MSRA: variants seen among roughly 807,000 people sequenced by gnomAD.
The protein encoded by MSRA is methionine sulfoxide reductase A.
Under a neutral mutation model 31.3 loss-of-function variants are expected in MSRA, and 54 were observed. The observed-to-expected ratio is 1.73, with a 90% CI of 1.39 to 2.17. MSRA has a LOEUF of 2.17. Among genes scored for constraint, MSRA ranks in the 30% most tolerant of loss-of-function variants. MSRA has a pLI of 0.00. For synonymous variants in MSRA, 169 were observed against 116.5 expected (o/e 1.45, Z -2.90); for missense variants, 507 against 300.9 (o/e 1.69, Z -5.07).
At chr8:10,380,942 G>T (rs1216011936) in intron 5 of MSRA, among the ~76,000 whole-genome samples, 2 of 151,900 alleles carry the variant, frequency 1.3e-5, no homozygotes, top group African/African-American at 4.8e-5. Context: ...GGTGGTGGGA[G>T]GGAGGCATGG....
At chr8:10,243,425 A>T (rs545113405) in intron 2 of MSRA, among the ~76,000 whole-genome samples, 2 of 152,274 alleles carry the variant, frequency 1.3e-5, no homozygotes, top group African/African-American at 4.8e-5. Context: ...ATTAATAGTG[A>T]ATGCTTTTGC....
rs373494981 is a variant in MSRA, at chr8:10,354,645, G to A, written c.543+34656G>A. On this transcript the variant is annotated intron_variant, in intron 5 of 5. Coordinates refer to ENST00000317173, the MANE Select transcript of MSRA (RefSeq NM_012331.5). ...AGATTAGAATGATTACAAATGCATC[G>A]GTGAAGGTATTATCAGTGAAAATAT... is the stretch of plus-strand genomic sequence containing the variant. 8.6e-5 allele frequency among the ~76,000 whole-genome samples: 13 copies of A among 151,348 alleles called. No individual in the cohort carries two copies. In the East Asian group the frequency reaches 1.6e-3, roughly 18 times the overall value.
At chr8:10,130,714 C>T (rs1254454932) in intron 1 of MSRA, among the ~76,000 whole-genome samples, 2 of 152,204 alleles carry the variant, frequency 1.3e-5, no homozygotes, top group African/African-American at 2.4e-5. Flanking sequence ...GGCTCTATTT[C>T]TCACAGTGCT....
At chr8:10,090,384 C>G (rs1025384825) in intron 1 of MSRA, among the ~76,000 whole-genome samples, 1 of 152,128 alleles carries the variant, frequency 6.6e-6, no homozygotes, top group African/African-American at 2.4e-5. Context: ...ATTAGCTGGG[C>G]AGATTCCTGA....
At chr8:10,317,000 G>A (rs911673240) in intron 4 of MSRA, among the ~76,000 whole-genome samples, 2 of 152,168 alleles carry the variant, frequency 1.3e-5, no homozygotes, top group Non-Finnish European at 2.9e-5. Context: ...GGTAGCCTTT[G>A]GTGCAGCAGA....
At chr8:10,265,134 A>C (rs1390697091) in intron 3 of MSRA, among the ~76,000 whole-genome samples, 1 of 152,196 alleles carries the variant, frequency 6.6e-6, no homozygotes, top group Non-Finnish European at 1.5e-5. Flanking sequence ...TGTTTTACCA[A>C]ATTATGTCCT....
At chr8:10,096,681 T>C (rs943304326) in intron 1 of MSRA, among the ~76,000 whole-genome samples, 1 of 152,198 alleles carries the variant, frequency 6.6e-6, no homozygotes, top group Non-Finnish European at 1.5e-5. Flanking sequence ...TACCTGGTGT[T>C]TTACTTAGAT....
chr8:10,288,254 T>C (rs1383963160), intron 3 of MSRA, among the ~76,000 whole-genome samples: 2 of 152,210 alleles, frequency 1.3e-5, no homozygotes, highest in African/African-American at 2.4e-5. Flanking sequence ...TTCCATTAAA[T>C]TTAATACCAC....
At chr8:10,296,794 C>T (rs571795669) in intron 3 of MSRA, among the ~76,000 whole-genome samples, 2 of 152,260 alleles carry the variant, frequency 1.3e-5, no homozygotes, top group Non-Finnish European at 2.9e-5. Context: ...TGCTTTGCCT[C>T]CTCTCCCAGA....
intron 1 of MSRA, among the ~76,000 whole-genome samples, chr8:10,172,820 C>G (rs1057388205): frequency 1.3e-5 from 2 of 152,148 alleles, no homozygotes; most frequent in Non-Finnish European, 2.9e-5. Context: ...ATTTGTTGGG[C>G]CATGCATACC....
At chr8:10,252,494 G>C (rs1194577119) in intron 3 of MSRA, among the ~76,000 whole-genome samples, 1 of 152,148 alleles carries the variant, frequency 6.6e-6, no homozygotes, top group Non-Finnish European at 1.5e-5. Context: ...TCCTGTCTGC[G>C]ATGGCCAGTA....
At chr8:10,365,942 G>A (rs1259128150) in intron 5 of MSRA, among the ~76,000 whole-genome samples, 7 of 152,152 alleles carry the variant, frequency 4.6e-5, no homozygotes, top group African/African-American at 1.7e-4. Context: ...CTAGTCAATG[G>A]GGCTGCAGGA....
intron 5 of MSRA, among the ~76,000 whole-genome samples, chr8:10,422,851 A>G (rs549098690): frequency 6.6e-6 from 1 of 152,308 alleles, no homozygotes; most frequent in South Asian, 2.1e-4. Flanking sequence ...GAACCAATCT[A>G]GGCAGTTACT....
chr8:10,256,797 A>AC (rs1316716954), intron 3 of MSRA, among the ~76,000 whole-genome samples: 2 of 151,558 alleles, frequency 1.3e-5, no homozygotes, highest in African/African-American at 4.9e-5. Context: ...ATAGTCTCTG[A>AC]CCCCCTGAGT....
At chr8:10,151,282 A>T (rs1039391556) in intron 1 of MSRA, among the ~76,000 whole-genome samples, 1 of 151,108 alleles carries the variant, frequency 6.6e-6, no homozygotes, top group African/African-American at 2.4e-5. Flanking sequence ...AAAAAAAAAA[A>T]AAAAAATAAG....
rs572764042 is a variant in MSRA, at chr8:10,203,209, C to T, written c.143-4624C>T. 4.6e-5 allele frequency among the ~76,000 whole-genome samples: 7 copies of T among 152,226 alleles called. No homozygotes were observed. In the East Asian group the frequency reaches 1.2e-3, roughly 25 times the overall value. Reference sequence around the variant, plus strand: ...CTCCAATTCATGCAGTATTTCTGGTCTTTCCATCTCAGCCAGCACTGCCCA... The same window carrying T: ...CTCCAATTCATGCAGTATTTCTGGTTTTTCCATCTCAGCCAGCACTGCCCA... On this transcript the variant is annotated intron_variant, in intron 1 of 5. Transcript: ENST00000317173.
intron 1 of MSRA, among the ~76,000 whole-genome samples, chr8:10,201,008 CCTTA>C (rs1808450138): frequency 6.6e-6 from 1 of 152,108 alleles, no homozygotes; most frequent in African/African-American, 2.4e-5. Context: ...CACATAGGAA[CCTTA>C]CTTACTTCCT....
chr8:10,089,141 CACA>C (rs1563421236), intron 1 of MSRA, among the ~76,000 whole-genome samples: 3 of 29,660 alleles, frequency 1.0e-4, no homozygotes, highest in African/African-American at 2.0e-4. Context: ...TTTTGTCCCA[CACA>C]CACACACACA....
At chr8:10,192,625 C>CT (rs1446535555) in intron 1 of MSRA, among the ~76,000 whole-genome samples, 14 of 152,328 alleles carry the variant, frequency 9.2e-5, no homozygotes, top group African/African-American at 3.4e-4. Flanking sequence ...TAGTTAGTAG[C>CT]TGAAAGGCTT....
Sources: allele counts gnomAD v4.1 joint callset (sites outside exome capture counted in the v4.1 genomes callset), GRCh38; gene constraint gnomAD v4.1.1; transcripts MANE v1.5; gene names NCBI Gene and HGNC (gene_info 2026-07-23, HGNC 2026-07-21).